Variants in GALNT18 observed in about 807,000 individuals in gnomAD.
The protein encoded by GALNT18 is polypeptide N-acetylgalactosaminyltransferase 18.
In GALNT18, 44 loss-of-function variants were observed where a neutral mutation model predicts 69.5. The observed-to-expected ratio is 0.63, with a 90% CI of 0.50 to 0.81. GALNT18 has a LOEUF of 0.81. Among genes scored for constraint, GALNT18 ranks in the 40% least tolerant of loss-of-function variants. The pLI, the probability that GALNT18 is intolerant of heterozygous loss-of-function variation, is 0.00. For synonymous variants in GALNT18, 364 were observed against 318.2 expected (o/e 1.14, Z -1.53); for missense variants, 715 against 810.0 (o/e 0.88, Z 1.42).
chr11:11,331,191 A>T (rs1252222294), intron 8 of GALNT18, among the ~76,000 whole-genome samples: 1 of 152,184 alleles, frequency 6.6e-6, no homozygotes, highest in African/African-American at 2.4e-5. Context: ...GTACTACCTG[A>T]GCAGCACTGG....
At chr11:11,393,190 C>T (rs72856687) in intron 3 of GALNT18, among the ~76,000 whole-genome samples, 1 of 152,278 alleles carries the variant, frequency 6.6e-6, no homozygotes, top group Non-Finnish European at 1.5e-5. Flanking sequence ...CAGCACTGCC[C>T]CCCAGGACAA....
At chr11:11,561,086 A>C (rs1335422881) in intron 1 of GALNT18, among the ~76,000 whole-genome samples, 1 of 152,222 alleles carries the variant, frequency 6.6e-6, no homozygotes, top group East Asian at 1.9e-4. Context: ...TGAATAACCC[A>C]AATACCATTT....
In GALNT18 at chr11:11,546,250, T is replaced by C. The variant is rs962706183; in HGVS notation, c.235+75109A>G. On this transcript the variant is annotated intron_variant, in intron 1 of 10. Transcript: ENST00000227756. The surrounding 1 kb of genome is among the most constrained non-coding windows in gnomAD (Gnocchi z 5.8). ...GGAGACCCAACCATCCCATCTGCCT[T>C]CGTGGACACCCACTCCACCTCCACA... 1.3e-5 allele frequency among the ~76,000 whole-genome samples: 2 copies of C among 152,182 alleles called. No individual in the cohort carries two copies. Among genetic ancestry groups the C allele is most frequent in the African/African-American group, 4.8e-5 (2 of 41,448 alleles).
At chr11:11,283,021 G>A (rs4492816) in intron 10 of GALNT18, among the ~76,000 whole-genome samples, 56,979 of 151,966 alleles carry the variant, frequency 0.37, 11,183 homozygotes, top group Middle Eastern at 0.52. Flanking sequence ...CTCAGCAAGG[G>A]CAAGGAGGGG....
rs145122557 is a variant in GALNT18 at position 11,383,816 on chromosome 11, CCT to C, written c.596-4554_596-4553del. ...ATCTGATGGTTTAAGTGTGGCACTT[CCT>C]CTCTCTCTCTCTCTCTCTCTCTGTC... On this transcript the variant is annotated intron_variant, in intron 3 of 10. Coordinates refer to ENST00000227756, the MANE Select transcript of GALNT18 (RefSeq NM_198516.3). This position sits in a 1 kb window ranked among gnomAD's most constrained non-coding sequence, Gnocchi z 5.2. 6.8e-4 allele frequency among the ~76,000 whole-genome samples: 101 copies of C among 147,656 alleles called. 1 individual carries two copies. Among genetic ancestry groups the C allele is most frequent in the Admixed American group, 1.1e-3 (16 of 14,788 alleles).
chr11:11,449,746 A>G (rs10831613), intron 1 of GALNT18, among the ~76,000 whole-genome samples: 40,516 of 152,172 alleles, frequency 0.27, 5,694 homozygotes, highest in Non-Finnish European at 0.32. Flanking sequence ...TCCTGGCTAC[A>G]TGACCATAGC....
rs923681992 is a variant in GALNT18, at chr11:11,604,455, G to A, written c.235+16904C>T. On this transcript the variant is annotated intron_variant, in intron 1 of 10. Transcript: ENST00000227756. This position sits in a 1 kb window ranked among gnomAD's most constrained non-coding sequence, Gnocchi z 5.6. ...GTGGGGAAGGACAGGGTGGACAAGC[G>A]ATCTACATCCAGCCCTAGACACCCA... is the stretch of plus-strand genomic sequence containing the variant. 3.9e-5 allele frequency among the ~76,000 whole-genome samples: 6 copies of A among 152,100 alleles called. No homozygotes were observed. The highest frequency in any genetic ancestry group is 9.7e-5 in the African/African-American group (4 of 41,412).
chr11:11,358,861 A>ACACACACACACG (rs1304931022), intron 6 of GALNT18, among the ~76,000 whole-genome samples: 2 of 137,070 alleles, frequency 1.5e-5, no homozygotes, highest in Admixed American at 7.3e-5. Context: ...ACACACACAC[A>ACACACACACACG]CGCACAGACA....
chr11:11,553,745 C>G (rs939683070), intron 1 of GALNT18, among the ~76,000 whole-genome samples: 4 of 152,154 alleles, frequency 2.6e-5, no homozygotes, highest in Admixed American at 6.5e-5. Flanking sequence ...CCCCCGGGAG[C>G]CCTTCCAAGT....
intron 2 of GALNT18, among the ~76,000 whole-genome samples, chr11:11,437,395 C>T (rs899229724): frequency 2.0e-5 from 3 of 152,042 alleles, no homozygotes; most frequent in Non-Finnish European, 4.4e-5. Flanking sequence ...AATTGATGGT[C>T]ATGACAGACT....
Position 11,523,381 on chromosome 11 carries a change from G to C in GALNT18, c.236-74445C>G, listed in dbSNP as rs1242721825. 6.6e-6 allele frequency among the ~76,000 whole-genome samples: 1 copy of C among 152,124 alleles called. No homozygotes were observed. Among genetic ancestry groups the C allele is most frequent in the East Asian group, 1.9e-4 (1 of 5,184 alleles). On this transcript the variant is annotated intron_variant, in intron 1 of 10. Transcript: ENST00000227756. This position sits in a 1 kb window ranked among gnomAD's most constrained non-coding sequence, Gnocchi z 4.3. The stretch of plus-strand genomic sequence containing the variant: ...GGAAGTTAAGTAGCTTGCTTGCTCT[G>C]TGCAGAGGTAACCGAGAGCTACCTC...
chr11:11,346,709 C>T (rs1196298250), intron 6 of GALNT18, among the ~76,000 whole-genome samples: 1 of 151,938 alleles, frequency 6.6e-6, no homozygotes, highest in Non-Finnish European at 1.5e-5. Context: ...TGGCCAAGAC[C>T]CTAAAGTGGA....
chr11:11,426,940 A>G (rs1002732905), intron 3 of GALNT18, among the ~76,000 whole-genome samples: 1 of 152,228 alleles, frequency 6.6e-6, no homozygotes, highest in African/African-American at 2.4e-5. Context: ...CATATTATTC[A>G]AAAAATAAAA....
chr11:11,435,770 G>C lies in GALNT18; in HGVS notation c.429-2983C>G, dbSNP rs1321797766. ...TTTTTCTTACAAACCTCCTCCCTTGGAAGGAGAGTCAGGTCCCGGTCCTCC... is the reference window on the plus strand; with the variant it reads ...TTTTTCTTACAAACCTCCTCCCTTGCAAGGAGAGTCAGGTCCCGGTCCTCC... On this transcript the variant is annotated intron_variant, in intron 2 of 10. Coordinates refer to ENST00000227756, the MANE Select transcript of GALNT18 (RefSeq NM_198516.3). This position sits in a 1 kb window ranked among gnomAD's most constrained non-coding sequence, Gnocchi z 4.4. 3.3e-5 allele frequency among the ~76,000 whole-genome samples: 5 copies of C among 152,120 alleles called. No individual in the cohort carries two copies. The highest frequency in any genetic ancestry group is 7.4e-5 in the Non-Finnish European group (5 of 68,026).
At chr11:11,447,449 C>A (rs1416655669) in intron 2 of GALNT18, among the ~76,000 whole-genome samples, 12 of 152,240 alleles carry the variant, frequency 7.9e-5, no homozygotes, top group Non-Finnish European at 1.5e-4. Flanking sequence ...CTCCACCCAA[C>A]TAGAATGCCA....
chr11:11,437,781 C>A (rs972398882), intron 2 of GALNT18, among the ~76,000 whole-genome samples: 1 of 151,532 alleles, frequency 6.6e-6, no homozygotes, highest in Non-Finnish European at 1.5e-5. Context: ...GAAGAGTAAG[C>A]AGGCCCCTTC....
intron 1 of GALNT18, among the ~76,000 whole-genome samples, chr11:11,577,387 G>A (rs545586416): frequency 1.3e-5 from 2 of 152,268 alleles, no homozygotes; most frequent in East Asian, 3.9e-4. Context: ...CTCCTGGGCA[G>A]GTCAGCTCTG....
At position 11,430,625 on chromosome 11, in the gene GALNT18, G is replaced by C. The variant is rs184134330; in HGVS notation, c.595+1996C>G. 2.0e-4 allele frequency among the ~76,000 whole-genome samples: 31 copies of C among 152,268 alleles called. No individual in the cohort carries two copies. The highest frequency in any genetic ancestry group is 4.1e-4 in the Non-Finnish European group (28 of 68,024). The stretch of plus-strand genomic sequence containing the variant: ...TTGCTCCTGCTGCCTGCCTCTTCTG[G>C]GGCAATGCATTGCCATCCTCTGAAT... On this transcript the variant is annotated intron_variant, in intron 3 of 10. Transcript: ENST00000227756. This position sits in a 1 kb window ranked among gnomAD's most constrained non-coding sequence, Gnocchi z 4.9.
intron 9 of GALNT18, among the ~76,000 whole-genome samples, chr11:11,299,739 G>A (rs936175821): frequency 4.6e-5 from 7 of 152,198 alleles, no homozygotes; most frequent in Non-Finnish European, 8.8e-5. Flanking sequence ...CTGGTTCCAT[G>A]TTTTTGCAAT....
Sources: allele counts gnomAD v4.1 joint callset (sites outside exome capture counted in the v4.1 genomes callset), GRCh38; gene constraint gnomAD v4.1.1; non-coding constraint Gnocchi (gnomAD v3.1); transcripts MANE v1.5; gene names NCBI Gene and HGNC (gene_info 2026-07-23, HGNC 2026-07-21).